Variants in DSG2 observed in about 807,000 individuals in gnomAD.
DSG2 encodes desmoglein 2.
In DSG2, 45 loss-of-function variants were observed where a neutral mutation model predicts 75.6. The ratio of observed to expected loss-of-function variants is 0.60; its 90% CI spans 0.47 to 0.76. The LOEUF is 0.76. Among genes scored for constraint, DSG2 ranks in the 30% least tolerant of loss-of-function variants. The probability of loss-of-function intolerance (pLI) is 0.00; values close to 1 mark genes in which losing one functional copy is unlikely to be tolerated. For missense variants in DSG2, 1,267 were observed against 1,357.4 expected (o/e 0.93, Z 1.05); for synonymous variants, 429 against 483.9 (o/e 0.89, Z 1.49).
At chr18:31,498,771 A>G (rs2072998368) in intron 1 of DSG2, among the ~76,000 whole-genome samples, 3 of 152,228 alleles carry the variant, frequency 2.0e-5, no homozygotes, top group Admixed American at 2.0e-4. Context: ...GAAACCAGGA[A>G]CATACTTGTA....
At position 31,498,387 on chromosome 18, in the gene DSG2, C is replaced by T. The variant is rs866967074; in HGVS notation, c.45+91C>T. The T allele has an allele frequency of 2.6e-5, 32 of 1,215,696 alleles. No homozygotes were observed. In the Middle Eastern group the frequency reaches 2.5e-3, roughly 96 times the overall value. 75.3% of individuals were successfully genotyped at this position (1,215,696 alleles called of 1,614,324 possible). A position where few individuals can be genotyped will look rare whatever the true frequency, so the allele number is the denominator to read the frequency against. On this transcript the variant is annotated intron_variant, in intron 1 of 14. Coordinates refer to ENST00000261590, the MANE Select transcript of DSG2 (RefSeq NM_001943.5). Reference sequence around the variant, plus strand: ...CTCGCGACCAGACTTGCCCGCCGCCCTTGTGCGCGTTACCTGCCCGGCGCT... The same window carrying T: ...CTCGCGACCAGACTTGCCCGCCGCCTTTGTGCGCGTTACCTGCCCGGCGCT...
rs763242004 is a variant in DSG2 at position 31,531,145 on chromosome 18, C to T, written c.1173C>T (p.Ser391=). 13 of 1,613,972 alleles carry T rather than the reference C, an allele frequency of 8.1e-6. No individual in the cohort carries two copies. The highest frequency in any genetic ancestry group is 3.3e-5 in the Admixed American group (2 of 59,992). ...NVKEGIHFKS[S]VISIYVSESM... ...AAGAAGGCATTCATTTTAAAAGCAG[C>T]GTCATCTCAATTTATGTTAGCGAGA... Residue 391 remains serine, a synonymous_variant, in exon 9 of 15, where the codon AGC becomes AGT. Coordinates refer to ENST00000261590, the MANE Select transcript of DSG2 (RefSeq NM_001943.5).
At chr18:31,518,034 TC>T (rs1366003988) in intron 1 of DSG2, among the ~76,000 whole-genome samples, 1 of 152,178 alleles carries the variant, frequency 6.6e-6, no homozygotes, top group African/African-American at 2.4e-5. Flanking sequence ...TCAGTATGGA[TC>T]CAGGAGAATA....
intron 7 of DSG2, 34 bp from the exon 8 acceptor site, chr18:31,524,669 A>T (rs201953902): frequency 1.6e-4 from 257 of 1,613,034 alleles, no homozygotes; most frequent in Admixed American, 3.7e-4. Flanking sequence ...TTTGTATTTC[A>T]TTGAAATAAA....
chr18:31,508,008 A>G lies in DSG2; in HGVS notation c.45+9712A>G, dbSNP rs181672358. Among the ~76,000 whole-genome samples the G allele has an allele frequency of 1.7e-3, 253 of 152,208 alleles. 1 individual carries two copies. The highest frequency in any genetic ancestry group is 5.8e-3 in the African/African-American group (241 of 41,460). ...AGTCATGAAGTCTTTGCCAATGCCT[A>G]TATCCTGAATGGTATTGCCTAGGTT... On this transcript the variant is annotated intron_variant, in intron 1 of 14. Transcript: ENST00000261590.
chr18:31,533,876 A>G (rs1250587696), intron 9 of DSG2, among the ~76,000 whole-genome samples: 1 of 152,208 alleles, frequency 6.6e-6, no homozygotes, highest in Non-Finnish European at 1.5e-5. Context: ...TTAATAGAAA[A>G]TAAATTAACA....
chr18:31,531,828 A>G (rs957813801), intron 9 of DSG2, among the ~76,000 whole-genome samples: 10 of 152,234 alleles, frequency 6.6e-5, no homozygotes, highest in Non-Finnish European at 1.3e-4. Context: ...CTGTGTTGGA[A>G]GAAACTAGTT....
chr18:31,536,241 A>G lies in DSG2; in HGVS notation c.1463A>G (p.Asn488Ser), dbSNP rs794728078. Reference protein sequence around the residue: ...RKTITGTVLINVEDINDNCPT... With the variant: ...RKTITGTVLISVEDINDNCPT... The stretch of plus-strand genomic sequence containing the variant: ...ACCATCACTGGCACAGTCCTTATCA[A>G]TGTTGAAGACATCAACGACAACTGT... Residue 488 changes from asparagine to serine, a missense_variant, in exon 11 of 15, where the codon AAT (asparagine) becomes AGT (serine). By Grantham distance (46) the Asn-to-Ser change is conservative. Coordinates refer to ENST00000261590, the MANE Select transcript of DSG2 (RefSeq NM_001943.5). 15 of 1,614,206 alleles carry G rather than the reference A, an allele frequency of 9.3e-6. No homozygotes were observed. Among genetic ancestry groups the G allele is most frequent in the South Asian group, 4.4e-5 (4 of 91,086 alleles).
chr18:31,520,761 CAG>C (rs2073122765), intron 3 of DSG2, 40 bp from the exon 4 acceptor site: 1 of 1,601,136 alleles, frequency 6.2e-7, no homozygotes, highest in Non-Finnish European at 8.5e-7. Flanking sequence ...TAGTAAATTA[CAG>C]AGAGTTCAAC....
chr18:31,512,525 G>A (rs1026047626), intron 1 of DSG2, among the ~76,000 whole-genome samples: 6 of 152,182 alleles, frequency 3.9e-5, no homozygotes, highest in Admixed American at 2.0e-4. Flanking sequence ...TAGCACCAGC[G>A]AGCTTTTTCA....
At position 31,518,268 on chromosome 18, in the gene DSG2, C is replaced by G; in HGVS notation, c.75C>G (p.His25Gln). ...LICFNVGSGL[H>Q]LQVLSTRNEN... is the part of the protein sequence containing the mutation. ...GCTTTAACGTTGGAAGTGGACTTCA[C>G]TTACAGGTGAGGAAACAAAGGGATT... The change falls in exon 2 of 15, where the codon CAC (histidine) becomes CAG (glutamine). Residue 25 changes from histidine (H) to glutamine (Q), a missense_variant. Coordinates refer to ENST00000261590, the MANE Select transcript of DSG2 (RefSeq NM_001943.5). 6.2e-7 allele frequency: 1 copy of G among 1,613,184 alleles called. No homozygotes were observed. The highest frequency in any genetic ancestry group is 8.5e-7 in the Non-Finnish European group (1 of 1,179,234).
intron 1 of DSG2, among the ~76,000 whole-genome samples, chr18:31,515,227 C>T (rs1422676049): frequency 2.0e-5 from 3 of 152,078 alleles, no homozygotes; most frequent in Non-Finnish European, 4.4e-5. Context: ...CTCAGCCTCT[C>T]GAGTAGCTGG....
chr18:31,512,879 G>A (rs1160992072), intron 1 of DSG2, among the ~76,000 whole-genome samples: 1 of 152,156 alleles, frequency 6.6e-6, no homozygotes, highest in African/African-American at 2.4e-5. Flanking sequence ...ATCCAACAGG[G>A]TAAGAATATT....
At chr18:31,538,600 T>C in intron 11 of DSG2, 151 bp from the exon 12 acceptor site, 1 of 765,166 alleles carries the variant, frequency 1.3e-6, no homozygotes, top group Non-Finnish European at 2.3e-6. Context: ...TAGACAAATT[T>C]TAATGAGCAC....
At chr18:31,541,382 T>C in intron 13 of DSG2, 68 bp downstream of exon 13, 4 of 1,585,862 alleles carry the variant, frequency 2.5e-6, no homozygotes, top group East Asian at 2.3e-5. Flanking sequence ...GGGAAGTGTT[T>C]CTTACATGTT....
Position 31,546,283 on chromosome 18 carries a change from G to A in DSG2, c.2897G>A (p.Arg966Lys). ...SQPQSLIVTE[R>K]VYAPASTLVD... ...CCACAGAGCCTTATTGTGACAGAGA[G>A]GGTGTATGCTCCAGCTTCTACCTTG... Residue 966 changes from arginine to lysine, a missense_variant, in exon 15 of 15, where the codon AGG becomes AAG. Transcript: ENST00000261590. 1.2e-6 allele frequency: 2 copies of A among 1,602,282 alleles called. No homozygotes were observed. The highest frequency in any genetic ancestry group is 1.7e-6 in the Non-Finnish European group (2 of 1,173,304).
rs2073130681 is a variant in DSG2, at chr18:31,521,982, C to T, written c.524-101C>T. The T allele has an allele frequency of 2.7e-6, 3 of 1,096,682 alleles. No individual in the cohort carries two copies. In the Admixed American group the frequency reaches 6.3e-5, roughly 23 times the overall value. The allele number at this position is 1,096,682 out of a possible 1,614,324, so 67.9% of individuals were successfully genotyped here. A position where few individuals can be genotyped will look rare whatever the true frequency, so the allele number is the denominator to read the frequency against. Reference sequence around the variant, plus strand: ...CAACTGTATGTGATTTTGATAAGCACCTGAAATCTTTTTTGGAACAAGCTA... The same window carrying T: ...CAACTGTATGTGATTTTGATAAGCATCTGAAATCTTTTTTGGAACAAGCTA... On this transcript the variant is annotated intron_variant, in intron 5 of 14. Transcript: ENST00000261590.
chr18:31,524,154 C>T (rs1001058250), intron 6 of DSG2, among the ~76,000 whole-genome samples: 1 of 152,224 alleles, frequency 6.6e-6, no homozygotes, highest in Admixed American at 6.5e-5. Flanking sequence ...ACCTCACTTT[C>T]AGTAGAGAAT....
intron 11 of DSG2, 34 bp from the exon 12 acceptor site, chr18:31,538,717 C>A (rs764832324): frequency 2.6e-6 from 4 of 1,554,094 alleles, no homozygotes; most frequent in South Asian, 2.2e-5. Context: ...GGTAATCGTT[C>A]GTTTTTATTT....
Sources: allele counts gnomAD v4.1 joint callset (sites outside exome capture counted in the v4.1 genomes callset), GRCh38; gene constraint gnomAD v4.1.1; transcripts MANE v1.5; gene names NCBI Gene and HGNC (gene_info 2026-07-23, HGNC 2026-07-21).